The following SH3BGR variants were observed in gnomAD, a reference collection of about 807,000 sequenced individuals.
SH3BGR encodes the protein SH3 domain binding glutamate rich protein, also known as SH3 domain-binding glutamic acid-rich protein.
SH3BGR carries 29 observed loss-of-function variants against 24.5 expected under a neutral mutation model. The ratio of observed to expected loss-of-function variants is 1.18; its 90% CI spans 0.88 to 1.61. SH3BGR has a LOEUF of 1.61. Ranked by LOEUF, SH3BGR falls within the 40% of genes most tolerant of loss-of-function variation. The probability of loss-of-function intolerance (pLI) is 0.00; values close to 1 mark genes in which losing one functional copy is unlikely to be tolerated. For missense variants in SH3BGR, 162 were observed against 205.8 expected (o/e 0.79, Z 1.30); for synonymous variants, 55 against 65.7 (o/e 0.84, Z 0.79).
chr21:39,466,698 AACTC>A (rs1259441146), intron 2 of SH3BGR, among the ~76,000 whole-genome samples: 6 of 152,190 alleles, frequency 3.9e-5, no homozygotes, highest in African/African-American at 1.4e-4. Flanking sequence ...ATCTCATGAG[AACTC>A]ACTCACTATC....
At chr21:39,496,632 A>G (rs925229876) in intron 3 of SH3BGR, among the ~76,000 whole-genome samples, 4 of 152,180 alleles carry the variant, frequency 2.6e-5, no homozygotes, top group African/African-American at 9.7e-5. Context: ...TTCTAGATGA[A>G]AGAAAAATAT....
At chr21:39,512,976 G>A (rs886578474) in intron 6 of SH3BGR, among the ~76,000 whole-genome samples, 4 of 152,050 alleles carry the variant, frequency 2.6e-5, no homozygotes, top group Non-Finnish European at 5.9e-5. Context: ...ATTGCTCATG[G>A]TTTTGCTCTG....
intron 6 of SH3BGR, among the ~76,000 whole-genome samples, chr21:39,513,583 TC>T (rs1382645934): frequency 6.6e-6 from 1 of 152,126 alleles, no homozygotes; most frequent in Non-Finnish European, 1.5e-5. Context: ...TTGATGTCTC[TC>T]CAGGGTGTTT....
chr21:39,494,401 G>A (rs1444408134), intron 3 of SH3BGR, among the ~76,000 whole-genome samples: 1 of 151,998 alleles, frequency 6.6e-6, no homozygotes, highest in East Asian at 1.9e-4. Context: ...CATAGTGAAG[G>A]TCTGCTGGCA....
chr21:39,452,909 G>A (rs953169288), intron 1 of SH3BGR, among the ~76,000 whole-genome samples: 7 of 152,326 alleles, frequency 4.6e-5, no homozygotes, highest in African/African-American at 1.4e-4. Flanking sequence ...AACCTATATA[G>A]TGTCTGTCTG....
chr21:39,470,592 C>T lies in SH3BGR; in HGVS notation c.232-4543C>T, dbSNP rs1272073385. ...CAAACATTAAAAGGGCCTTTAGACA[C>T]TTTCACCCTAATCACTCTGTTTACA... On this transcript the variant is annotated intron_variant, in intron 2 of 6. Transcript: ENST00000333634. Among the ~76,000 whole-genome samples, 47 of 152,198 alleles carry T rather than the reference C, an allele frequency of 3.1e-4. 1 individual carries two copies. Among genetic ancestry groups the T allele is most frequent in the Admixed American group, 3.1e-3 (47 of 15,282 alleles).
chr21:39,468,860 A>G (rs977472707), intron 2 of SH3BGR, among the ~76,000 whole-genome samples: 1 of 152,026 alleles, frequency 6.6e-6, no homozygotes, highest in Non-Finnish European at 1.5e-5. Flanking sequence ...TTTCTTTTAG[A>G]GAGCCTCTTG....
At chr21:39,499,782 T>C (rs769248090) in intron 3 of SH3BGR, 41 bp from the exon 4 acceptor site, 1 of 1,467,916 alleles carries the variant, frequency 6.8e-7, no homozygotes, top group East Asian at 2.3e-5. Flanking sequence ...TTTTCTTTTT[T>C]CTGTTTTTGA....
intron 2 of SH3BGR, among the ~76,000 whole-genome samples, chr21:39,468,154 T>C (rs1043763996): frequency 7.9e-5 from 12 of 152,100 alleles, no homozygotes; most frequent in African/African-American, 1.9e-4. Flanking sequence ...GAGGTATGAG[T>C]GTCTCCGGGT....
At position 39,462,619 on chromosome 21, in the gene SH3BGR, A is replaced by G. The variant is rs2077773869; in HGVS notation, c.231+59A>G. On this transcript the variant is annotated intron_variant, in intron 2 of 6. Transcript: ENST00000333634. Reference sequence around the variant, plus strand: ...GTGTGTGTTTATTAGAAATTTTCTAAAGCAGATTAAGTTTGAGTCAGCATT... The same window carrying G: ...GTGTGTGTTTATTAGAAATTTTCTAGAGCAGATTAAGTTTGAGTCAGCATT... The G allele has an allele frequency of 2.7e-5, 34 of 1,261,148 alleles. 1 individual carries two copies. In the South Asian group the frequency reaches 5.6e-4, roughly 21 times the overall value. 78.1% of individuals were successfully genotyped at this position (1,261,148 alleles called of 1,614,324 possible). A position where few individuals can be genotyped will look rare whatever the true frequency, so the allele number is the denominator to read the frequency against.
At chr21:39,459,464 C>T (rs1261670152) in intron 1 of SH3BGR, among the ~76,000 whole-genome samples, 1 of 152,200 alleles carries the variant, frequency 6.6e-6, no homozygotes. Flanking sequence ...ACTTTGTGAT[C>T]CGTCCACCTT....
At chr21:39,464,995 AT>A (rs1362670291) in intron 2 of SH3BGR, among the ~76,000 whole-genome samples, 3 of 152,014 alleles carry the variant, frequency 2.0e-5, no homozygotes, top group Admixed American at 2.0e-4. Flanking sequence ...TTATTTATTT[AT>A]TTAAGAGAGA....
At chr21:39,472,327 C>T (rs2077954479) in intron 2 of SH3BGR, among the ~76,000 whole-genome samples, 1 of 152,040 alleles carries the variant, frequency 6.6e-6, no homozygotes, top group South Asian at 2.1e-4. Context: ...AGGGAGAGCC[C>T]AAACTCACAG....
chr21:39,475,235 A>T lies in SH3BGR; in HGVS notation c.312+20A>T, dbSNP rs771966020. The T allele has an allele frequency of 1.4e-6, 2 of 1,478,490 alleles. No individual in the cohort carries two copies. The highest frequency in any genetic ancestry group is 1.9e-6 in the Non-Finnish European group (2 of 1,056,994). 91.6% of individuals were successfully genotyped at this position (1,478,490 alleles called of 1,614,324 possible). A position where few individuals can be genotyped will look rare whatever the true frequency, so the allele number is the denominator to read the frequency against. On this transcript the variant is annotated intron_variant, in intron 3 of 6. Transcript: ENST00000333634. Reference sequence around the variant, plus strand: ...TCAAAGGTAAGTTTGAACAAACTCCATTGGGGTTCAAAACAGGTAATACTA... The same window carrying T: ...TCAAAGGTAAGTTTGAACAAACTCCTTTGGGGTTCAAAACAGGTAATACTA...
intron 5 of SH3BGR, among the ~76,000 whole-genome samples, chr21:39,509,477 T>G (rs928585213): frequency 2.0e-5 from 3 of 147,826 alleles, no homozygotes; most frequent in Non-Finnish European, 1.5e-5. Flanking sequence ...TATTGTTTTT[T>G]TTTTTTTTTT....
intron 5 of SH3BGR, among the ~76,000 whole-genome samples, chr21:39,510,371 C>CACACACACACACACACACACACTGTAGCT (rs1569177963): frequency 6.8e-6 from 1 of 147,022 alleles, no homozygotes; most frequent in Non-Finnish European, 1.5e-5. Context: ...TACATACACA[C>CACACACACACACACACACACACTGTAGCT]ACACACACAC....
intron 3 of SH3BGR, among the ~76,000 whole-genome samples, chr21:39,490,426 A>G (rs546762835): frequency 3.3e-4 from 50 of 152,334 alleles, no homozygotes; most frequent in African/African-American, 1.2e-3. Flanking sequence ...GCAGTTGAGA[A>G]TATCTCCGAC....
chr21:39,479,262 G>A (rs1305916625), intron 3 of SH3BGR, among the ~76,000 whole-genome samples: 4 of 149,844 alleles, frequency 2.7e-5, no homozygotes, highest in Non-Finnish European at 4.5e-5. Flanking sequence ...GGTGGTGATG[G>A]TAGTGCTGGT....
chr21:39,454,037 C>T (rs183411016), intron 1 of SH3BGR, among the ~76,000 whole-genome samples: 12 of 152,222 alleles, frequency 7.9e-5, no homozygotes, highest in East Asian at 1.9e-4. Flanking sequence ...TTTAGTAGAT[C>T]AGGGTCTATG....
Sources: gnomAD v4.1 joint callset for allele counts (sites outside exome capture counted in the v4.1 genomes callset) on GRCh38, gnomAD v4.1.1 for gene constraint, MANE v1.5 for transcripts, NCBI Gene and HGNC (gene_info 2026-07-23, HGNC 2026-07-21) for gene names.